The following TENM1 variants were observed in gnomAD, a reference collection of about 807,000 sequenced individuals.
TENM1 encodes teneurin-1.
A neutral mutation model predicts 174.8 loss-of-function variants in TENM1; 35 were observed. The observed-to-expected ratio is 0.20, with a 90% CI of 0.15 to 0.27. The LOEUF (loss-of-function observed/expected upper bound fraction) is 0.27. Ranked by LOEUF, TENM1 falls within the 10% of genes least tolerant of loss-of-function variation. The pLI is 1.00. For missense variants in TENM1, 1,633 were observed against 2,130.1 expected (o/e 0.77, Z 4.59); for synonymous variants, 781 against 798.7 (o/e 0.98, Z 0.37).
At chrX:124,947,881 C>T (rs2058425760) in intron 1 of TENM1, among the ~76,000 whole-genome samples, 1 of 111,804 alleles carries the variant, frequency 8.9e-6, no homozygotes, top group Non-Finnish European at 1.9e-5. Flanking sequence ...AAAAAAAATC[C>T]CTTGGAAGAT....
At chrX:124,967,487 A>G (rs1412815309), upstream of TENM1, among the ~76,000 whole-genome samples, 1 of 111,498 alleles carries the variant, frequency 9.0e-6, no homozygotes, top group African/African-American at 3.3e-5. Flanking sequence ...TGATTCATAC[A>G]GCTTTAATCT....
intron 1 of TENM1, among the ~76,000 whole-genome samples, chrX:124,951,317 T>C (rs756499147): frequency 1.3e-3 from 150 of 111,153 alleles, no homozygotes; most frequent in African/African-American, 4.4e-3. Flanking sequence ...ATTGAGGCCA[T>C]TCTTCAATGG....
At chrX:124,505,962 T>C (rs1234830676) in intron 18 of TENM1, among the ~76,000 whole-genome samples, 1 of 111,799 alleles carries the variant, frequency 8.9e-6, no homozygotes, top group Non-Finnish European at 1.9e-5. Flanking sequence ...AATCTTATGC[T>C]GGAAAAATCA....
the TENM1 span, among the ~76,000 whole-genome samples, chrX:125,185,121 G>GAATGC: frequency 8.9e-6 from 1 of 111,981 alleles, no homozygotes; most frequent in Non-Finnish European, 1.9e-5. Flanking sequence ...GTAAACAAAT[G>GAATGC]AATGCAATAC....
the TENM1 span, among the ~76,000 whole-genome samples, chrX:125,143,141 CTGAT>C: frequency 2.7e-5 from 3 of 111,570 alleles, no homozygotes; most frequent in Admixed American, 9.5e-5. Flanking sequence ...GCTGAACAAA[CTGAT>C]TGTTTTTCAA....
intron 3 of TENM1, among the ~76,000 whole-genome samples, chrX:124,813,573 A>G (rs1184018188): frequency 1.8e-5 from 2 of 111,923 alleles, no homozygotes; most frequent in Non-Finnish European, 3.8e-5. Flanking sequence ...CTGGTTAAAT[A>G]CATTATAGTA....
chrX:124,414,275 T>C (rs2060569492), intron 25 of TENM1, among the ~76,000 whole-genome samples: 2 of 111,921 alleles, frequency 1.8e-5, no homozygotes, highest in African/African-American at 6.5e-5. Flanking sequence ...CAACTCAGAA[T>C]GGACCAGCAG....
At chrX:125,175,465 A>G in the TENM1 span, among the ~76,000 whole-genome samples, 1 of 111,813 alleles carries the variant, frequency 8.9e-6, no homozygotes, top group Admixed American at 9.5e-5. Flanking sequence ...GGAAGTAACT[A>G]TCAGTGCATG....
chrX:124,806,116 CAA>C (rs2055590220), intron 3 of TENM1, among the ~76,000 whole-genome samples: 1 of 110,324 alleles, frequency 9.1e-6, no homozygotes, highest in South Asian at 3.8e-4. Flanking sequence ...AGAAATTTAA[CAA>C]AGAGATAGAA....
intron 22 of TENM1, among the ~76,000 whole-genome samples, chrX:124,466,025 T>C (rs769630658): frequency 8.9e-6 from 1 of 111,817 alleles, no homozygotes; most frequent in South Asian, 3.8e-4. Flanking sequence ...GGGAATCTTA[T>C]GAATAGTAAG....
chrX:124,511,817 C>T (rs964441042), intron 18 of TENM1, among the ~76,000 whole-genome samples: 5 of 111,764 alleles, frequency 4.5e-5, no homozygotes, highest in Non-Finnish European at 9.4e-5. Flanking sequence ...GTTTTGTGTG[C>T]ACAAAGCAAC....
At chrX:124,785,177 G>T in intron 3 of TENM1, among the ~76,000 whole-genome samples, 1 of 111,711 alleles carries the variant, frequency 9.0e-6, no homozygotes, top group Middle Eastern at 4.6e-3. Context: ...TGTAGAAGGA[G>T]CCCATTCTAA....
rs1247328964 is a variant in TENM1, at chrX:124,479,484, C to CTT, written c.3949+2246_3949+2247dup. On this transcript the variant is annotated intron_variant, in intron 22 of 31. Transcript: ENST00000422452. ...GTAGTGGCTATGACAAGAAGAAAAA[C>CTT]TTAGTTTAATATTAGCTTTGATACA... Among the ~76,000 whole-genome samples, 4 of 111,505 alleles carry CTT rather than the reference C, an allele frequency of 3.6e-5. No homozygotes were observed. In the Admixed American group the frequency reaches 3.8e-4, roughly 11 times the overall value.
At chrX:124,957,375 G>C (rs1051010389) in intron 1 of TENM1, among the ~76,000 whole-genome samples, 1 of 110,844 alleles carries the variant, frequency 9.0e-6, no homozygotes, top group African/African-American at 3.3e-5. Flanking sequence ...CTTGAGGTCA[G>C]GAGTTTGAGA....
chrX:124,611,699 C>A (rs1386418212), intron 11 of TENM1, among the ~76,000 whole-genome samples: 1 of 111,864 alleles, frequency 8.9e-6, no homozygotes, highest in African/African-American at 3.2e-5. Flanking sequence ...ATGATCCATT[C>A]TTTATCTCTT....
intron 3 of TENM1, among the ~76,000 whole-genome samples, chrX:124,746,220 G>A (rs1313262007): frequency 1.8e-5 from 2 of 111,891 alleles, no homozygotes; most frequent in Non-Finnish European, 3.8e-5. Flanking sequence ...CAACCATGGT[G>A]GGTGAGAGTG....
chrX:125,058,044 T>C, the TENM1 span, among the ~76,000 whole-genome samples: 119 of 112,020 alleles, frequency 1.1e-3, no homozygotes, highest in African/African-American at 3.7e-3. Flanking sequence ...ATCCAAAAAG[T>C]ATCATAAACA....
At chrX:124,686,968 G>A (rs2052381757) in intron 5 of TENM1, among the ~76,000 whole-genome samples, 1 of 111,443 alleles carries the variant, frequency 9.0e-6, no homozygotes, top group Non-Finnish European at 1.9e-5. Context: ...TAGGAAGAGA[G>A]GAAGTCAAAT....
chrX:124,379,774 C>T (rs984672143), exon 32 of TENM1: 4 of 111,926 alleles, frequency 3.6e-5, no homozygotes, highest in African/African-American at 1.3e-4. Flanking sequence ...GATACCAATA[C>T]AGCTGAACAA....
Sources: allele counts gnomAD v4.1 joint callset (sites outside exome capture counted in the v4.1 genomes callset), GRCh38; gene constraint gnomAD v4.1.1; transcripts MANE v1.5; gene names NCBI Gene and HGNC (gene_info 2026-07-23, HGNC 2026-07-21).